Variants in PALLD observed in about 807,000 individuals in gnomAD.
PALLD encodes the protein palladin.
In PALLD, 61 loss-of-function variants were observed where a neutral mutation model predicts 123.5. The observed-to-expected ratio is 0.49, with a 90% CI of 0.40 to 0.61. The LOEUF is 0.61. PALLD is among the 20% of genes least tolerant of loss of function. The pLI, the probability that PALLD is intolerant of heterozygous loss-of-function variation, is 0.00. For missense variants in PALLD, 1,273 were observed against 1,377.0 expected (o/e 0.92, Z 1.20); for synonymous variants, 465 against 496.4 (o/e 0.94, Z 0.84).
At chr4:168,880,564 T>C (rs1752472837) in intron 10 of PALLD, among the ~76,000 whole-genome samples, 1 of 152,264 alleles carries the variant, frequency 6.6e-6, no homozygotes, top group South Asian at 2.1e-4. Context: ...TGGCATACTA[T>C]GGGATCTGTC....
At chr4:168,647,868 A>G (rs1024894156) in intron 2 of PALLD, 1 of 151,844 alleles carries the variant, frequency 6.6e-6, no homozygotes, top group East Asian at 1.9e-4. Context: ...AGCTCCCTTC[A>G]TGTAATCACT....
At chr4:168,790,244 C>T (rs796812199) in intron 10 of PALLD, among the ~76,000 whole-genome samples, 2 of 151,800 alleles carry the variant, frequency 1.3e-5, no homozygotes, top group African/African-American at 4.8e-5. Flanking sequence ...TCACTGCAAC[C>T]ACCACCTCCC....
intron 2 of PALLD, among the ~76,000 whole-genome samples, chr4:168,562,271 T>C (rs1205331085): frequency 1.3e-5 from 2 of 152,216 alleles, no homozygotes; most frequent in African/African-American, 4.8e-5. Context: ...GATTTACATA[T>C]ATTATTTCTA....
chr4:168,646,530 C>G (rs1040414391), intron 2 of PALLD, among the ~76,000 whole-genome samples: 2 of 152,178 alleles, frequency 1.3e-5, no homozygotes, highest in African/African-American at 4.8e-5. Context: ...TCTCCAGAAC[C>G]AATCCTAACC....
chr4:168,858,013 A>C (rs1748850948), intron 10 of PALLD, among the ~76,000 whole-genome samples: 1 of 152,246 alleles, frequency 6.6e-6, no homozygotes, highest in Non-Finnish European at 1.5e-5. Context: ...TGCTCCCCAC[A>C]CAGCAACACT....
rs543821321 is a variant in PALLD at position 168,878,286 on chromosome 4, G to A, written c.1965-12636G>A. ...TCCCACTGCTCGTCGCCTGCCACCC[G>A]CTTCGGCCACAGCCAGACGCCCGCG... On this transcript the variant is annotated intron_variant, in intron 10 of 21. Coordinates refer to ENST00000505667, the MANE Select transcript of PALLD (RefSeq NM_001166108.2). 1.3e-3 allele frequency: 1,952 copies of A among 1,526,406 alleles called. 6 individuals are homozygous for A. Among genetic ancestry groups the A allele is most frequent in the Non-Finnish European group, 1.4e-3 (1,584 of 1,143,504 alleles). 94.6% of individuals were successfully genotyped at this position (1,526,406 alleles called of 1,614,324 possible).
At chr4:168,767,196 C>T (rs1733787223) in intron 10 of PALLD, among the ~76,000 whole-genome samples, 1 of 152,152 alleles carries the variant, frequency 6.6e-6, no homozygotes, top group Non-Finnish European at 1.5e-5. Context: ...CCCTGTGCTG[C>T]TTTTCACTTA....
rs74325875 is a variant in PALLD, at chr4:168,705,635, G to T, written c.1502-3393G>T. The stretch of plus-strand genomic sequence containing the variant: ...GTGTTTTACTTAAATTAGCATTTTT[G>T]GCTTTCTTTTTTTCTTTTGAGACAG... On this transcript the variant is annotated intron_variant, in intron 8 of 21. Coordinates refer to ENST00000505667, the MANE Select transcript of PALLD (RefSeq NM_001166108.2). Among the ~76,000 whole-genome samples the T allele has an allele frequency of 0.019, 2,909 of 152,050 alleles. 234 individuals carry two copies. In the East Asian group the frequency reaches 0.3, roughly 15 times the overall value.
chr4:168,584,761 A>G (rs1197554235), intron 2 of PALLD, among the ~76,000 whole-genome samples: 2 of 152,210 alleles, frequency 1.3e-5, no homozygotes, highest in Admixed American at 1.3e-4. Context: ...TGTGATGGAA[A>G]ATCCTGCCAT....
At chr4:168,616,327 G>A (rs781190129) in intron 2 of PALLD, among the ~76,000 whole-genome samples, 25 of 152,212 alleles carry the variant, frequency 1.6e-4, no homozygotes, top group Non-Finnish European at 2.2e-4. Context: ...ATTAAAGGAG[G>A]GATCCTATAT....
At chr4:168,553,082 G>A (rs78320970) in intron 2 of PALLD, among the ~76,000 whole-genome samples, 336 of 152,260 alleles carry the variant, frequency 2.2e-3, no homozygotes, top group Non-Finnish European at 3.9e-3. Context: ...AATCTCTAGT[G>A]TCATTGGCCC....
At chr4:168,887,951 T>C (rs1011115807) in intron 10 of PALLD, among the ~76,000 whole-genome samples, 21 of 151,930 alleles carry the variant, frequency 1.4e-4, no homozygotes, top group Non-Finnish European at 2.2e-4. Flanking sequence ...GGAGAGACAA[T>C]ATGAAAAAAT....
At chr4:168,678,270 C>T (rs2150066320) in intron 3 of PALLD, among the ~76,000 whole-genome samples, 1 of 152,218 alleles carries the variant, frequency 6.6e-6, no homozygotes. Flanking sequence ...GGACATAATT[C>T]ACTTCTTAGT....
At chr4:168,657,043 A>T (rs1023303344) in intron 2 of PALLD, among the ~76,000 whole-genome samples, 4 of 152,196 alleles carry the variant, frequency 2.6e-5, no homozygotes, top group Admixed American at 2.6e-4. Context: ...TAGTTGTAAA[A>T]TGTATGCTAG....
At chr4:168,607,882 GAAACA>G (rs1375361036) in intron 2 of PALLD, among the ~76,000 whole-genome samples, 1 of 152,206 alleles carries the variant, frequency 6.6e-6, no homozygotes, top group East Asian at 1.9e-4. Flanking sequence ...CCAGGCCTCA[GAAACA>G]AATGGTAACA....
intron 10 of PALLD, among the ~76,000 whole-genome samples, chr4:168,781,730 T>G (rs1561516882): frequency 1.3e-5 from 2 of 151,898 alleles, no homozygotes. Context: ...GAGAGGAATA[T>G]AGAAATGAGG....
chr4:168,632,505 G>A (rs1438740561), intron 2 of PALLD, among the ~76,000 whole-genome samples: 6 of 152,150 alleles, frequency 3.9e-5, no homozygotes, highest in Non-Finnish European at 8.8e-5. Flanking sequence ...TTGCTTGTTT[G>A]TTTGTTTTCT....
chr4:168,519,056 T>C (rs1763274431), intron 2 of PALLD, among the ~76,000 whole-genome samples: 1 of 152,212 alleles, frequency 6.6e-6, no homozygotes, highest in Non-Finnish European at 1.5e-5. Context: ...TTGTAAAAAC[T>C]TACACATAAA....
At chr4:168,691,541 G>A (rs867761297) in intron 8 of PALLD, among the ~76,000 whole-genome samples, 1 of 152,096 alleles carries the variant, frequency 6.6e-6, no homozygotes, top group African/African-American at 2.4e-5. Flanking sequence ...CAAGCTCAGT[G>A]ACTTCATGCT....
Sources: allele counts gnomAD v4.1 joint callset (sites outside exome capture counted in the v4.1 genomes callset), GRCh38; gene constraint gnomAD v4.1.1; transcripts MANE v1.5; gene names NCBI Gene and HGNC (gene_info 2026-07-23, HGNC 2026-07-21).